Variants in SETDB2 observed in about 807,000 individuals in gnomAD.
The protein encoded by SETDB2 is SET domain bifurcated histone lysine methyltransferase 2.
A neutral mutation model predicts 82.5 loss-of-function variants in SETDB2; 56 were observed. The observed-to-expected ratio is 0.68, with a 90% CI of 0.55 to 0.85. SETDB2 has a LOEUF of 0.85. SETDB2 is among the 40% of genes least tolerant of loss of function. The pLI, the probability that SETDB2 is intolerant of heterozygous loss-of-function variation, is 0.00. For missense variants in SETDB2, 677 were observed against 816.4 expected (o/e 0.83, Z 2.08); for synonymous variants, 272 against 284.9 (o/e 0.95, Z 0.46).
At chr13:49,485,982 T>A (rs1475859177) in intron 11 of SETDB2, 6 of 612,714 alleles carry the variant, frequency 9.8e-6, no homozygotes, top group South Asian at 7.8e-5. Context: ...GGTGATAATA[T>A]TTTGACACTT....
At chr13:49,479,857 T>TA (rs1465779046) in intron 6 of SETDB2, among the ~76,000 whole-genome samples, 1 of 152,198 alleles carries the variant, frequency 6.6e-6, no homozygotes, top group Non-Finnish European at 1.5e-5. Context: ...ACTATGTCCT[T>TA]ACAAATTTGA....
At chr13:49,447,199 C>T (rs1274777428) in intron 1 of SETDB2, among the ~76,000 whole-genome samples, 1 of 152,162 alleles carries the variant, frequency 6.6e-6, no homozygotes, top group Admixed American at 6.5e-5. Flanking sequence ...TATGTGTCCT[C>T]GATACTGTAT....
At chr13:49,473,312 G>A (rs1958287628) in intron 5 of SETDB2, among the ~76,000 whole-genome samples, 1 of 152,062 alleles carries the variant, frequency 6.6e-6, no homozygotes, top group Non-Finnish European at 1.5e-5. Context: ...TACTTTGGGA[G>A]GCCAAGGCAG....
At chr13:49,480,907 T>C (rs1212390863) in intron 7 of SETDB2, 40 bp from the exon 8 acceptor site, 1 of 1,607,818 alleles carries the variant, frequency 6.2e-7, no homozygotes, top group East Asian at 2.2e-5. Context: ...AACTGCTTTT[T>C]GAGATGTCTG....
rs1479887523 is a variant in SETDB2, at chr13:49,463,930, A to C, written c.208+2768A>C. 8.7e-5 allele frequency: 61 copies of C among 702,962 alleles called. No individual in the cohort carries two copies. The Admixed American group carries it at 1.2e-3, about 14-fold the overall frequency. 43.5% of individuals were successfully genotyped at this position (702,962 alleles called of 1,614,324 possible). On this transcript the variant is annotated intron_variant, in intron 4 of 13. Coordinates refer to ENST00000611815, the MANE Select transcript of SETDB2 (RefSeq NM_001160308.3). ...CTTTTTCTGGGTCTGGGCTGTGCCT[A>C]TTGCTGCCTCTGGGATAAGTCATCC...
intron 9 of SETDB2, 118 bp downstream of exon 9, chr13:49,483,080 T>C: frequency 2.9e-6 from 2 of 689,456 alleles, no homozygotes; most frequent in Non-Finnish European, 4.9e-6. Context: ...TGCTTCAAAG[T>C]TGTTAAGTCT....
At chr13:49,472,362 A>G (rs570835871) in intron 5 of SETDB2, among the ~76,000 whole-genome samples, 1 of 152,286 alleles carries the variant, frequency 6.6e-6, no homozygotes, top group Admixed American at 6.5e-5. Context: ...CCTCTAAGCC[A>G]TGCTCCACTT....
At position 49,451,938 on chromosome 13, in the gene SETDB2, T is replaced by C. The variant is rs372247307; in HGVS notation, c.16+29T>C. On this transcript the variant is annotated intron_variant, in intron 2 of 13. Coordinates refer to ENST00000611815, the MANE Select transcript of SETDB2 (RefSeq NM_001160308.3). ...GGTTGAAGAACACACTGTTACACTT[T>C]ATATCTAAAAGTATAAAAGTATATA... 2.1e-5 allele frequency: 33 copies of C among 1,541,872 alleles called. No homozygotes were observed. The Middle Eastern group carries it at 6.8e-4, about 32-fold the overall frequency.
At chr13:49,476,117 T>C (rs2138939135) in intron 5 of SETDB2, among the ~76,000 whole-genome samples, 1 of 152,254 alleles carries the variant, frequency 6.6e-6, no homozygotes, top group African/African-American at 2.4e-5. Context: ...TAATCACAAC[T>C]TCCTGGAATA....
At chr13:49,457,997 G>A (rs1176904475) in intron 2 of SETDB2, among the ~76,000 whole-genome samples, 5 of 152,148 alleles carry the variant, frequency 3.3e-5, no homozygotes, top group African/African-American at 1.2e-4. Context: ...TCTATGAAGT[G>A]CTTTGAAAAA....
chr13:49,447,084 A>G (rs1203668396), intron 1 of SETDB2, among the ~76,000 whole-genome samples: 1 of 152,074 alleles, frequency 6.6e-6, no homozygotes, highest in Non-Finnish European at 1.5e-5. Context: ...TATATTTTTA[A>G]TTTTAATTTT....
intron 2 of SETDB2, 71 bp from the exon 3 acceptor site, chr13:49,460,036 A>C (rs535298698): frequency 6.8e-7 from 1 of 1,478,828 alleles, no homozygotes; most frequent in Non-Finnish European, 9.2e-7. Context: ...AGATTGTTCT[A>C]TAACATGTTC....
intron 11 of SETDB2, among the ~76,000 whole-genome samples, chr13:49,487,264 G>A (rs1175338160): frequency 6.6e-6 from 1 of 152,086 alleles, no homozygotes; most frequent in Non-Finnish European, 1.5e-5. Flanking sequence ...GAATTAGGTG[G>A]TCCAAATAGC....
At chr13:49,455,358 G>A (rs186926423) in intron 2 of SETDB2, among the ~76,000 whole-genome samples, 185 of 152,228 alleles carry the variant, frequency 1.2e-3, no homozygotes, top group South Asian at 2.7e-3. Flanking sequence ...ATATCATTGA[G>A]TATTTTTACA....
intron 5 of SETDB2, among the ~76,000 whole-genome samples, chr13:49,471,470 C>G (rs1958240955): frequency 1.4e-5 from 2 of 140,128 alleles, no homozygotes; most frequent in Non-Finnish European, 3.0e-5. Flanking sequence ...GTCAGGAGTA[C>G]ATACCTATTC....
chr13:49,458,605 C>G (rs568362936), intron 2 of SETDB2, among the ~76,000 whole-genome samples: 3 of 152,234 alleles, frequency 2.0e-5, no homozygotes, highest in Admixed American at 2.0e-4. Context: ...TCTGTATGTT[C>G]TCCCTATGGA....
At chr13:49,446,454 C>T (rs1048232058) in intron 1 of SETDB2, 1 of 452,072 alleles carries the variant, frequency 2.2e-6, no homozygotes, top group Non-Finnish European at 4.4e-6. Context: ...TGGTACAGAG[C>T]TTTCAAGTGT....
chr13:49,460,074 A>G, intron 2 of SETDB2, 33 bp from the exon 3 acceptor site: 1 of 1,585,086 alleles, frequency 6.3e-7, no homozygotes, highest in Non-Finnish European at 8.6e-7. Context: ...TTTTTCTATT[A>G]GCTCTTAGGC....
intron 7 of SETDB2, 92 bp from the exon 8 acceptor site, chr13:49,480,855 C>G (rs1958463407): frequency 7.4e-7 from 1 of 1,355,250 alleles, no homozygotes; most frequent in African/African-American, 1.4e-5. Flanking sequence ...CACATTTAGC[C>G]TGCTTCCCTC....
Sources: gnomAD v4.1 joint callset for allele counts (sites outside exome capture counted in the v4.1 genomes callset) on GRCh38, gnomAD v4.1.1 for gene constraint, MANE v1.5 for transcripts, NCBI Gene and HGNC (gene_info 2026-07-23, HGNC 2026-07-21) for gene names.